PIEZO2: variants seen among roughly 807,000 people sequenced by gnomAD.
The protein encoded by PIEZO2 is piezo-type mechanosensitive ion channel component 2.
Under a neutral mutation model 337.3 loss-of-function variants are expected in PIEZO2, and 172 were observed. That is an observed-to-expected ratio of 0.51 (90% CI 0.45 to 0.58). The LOEUF is 0.58. Ranked by LOEUF, PIEZO2 falls within the 20% of genes least tolerant of loss-of-function variation. The probability of loss-of-function intolerance (pLI) is 0.00; values close to 1 mark genes in which losing one functional copy is unlikely to be tolerated. For synonymous variants in PIEZO2, 1,251 were observed against 1,228.5 expected, an observed-to-expected ratio of 1.02 and a Z score of -0.38; for missense variants, 3,028 against 3,391.3, an observed-to-expected ratio of 0.89 and a Z score of 2.66.
chr18:10,684,843 TTTC>T (rs1277974779), intron 49 of PIEZO2, among the ~76,000 whole-genome samples: 10 of 152,172 alleles, frequency 6.6e-5, no homozygotes, highest in Non-Finnish European at 7.4e-5. Context: ...CATTCAACTC[TTTC>T]TTTTTTATTT....
chr18:10,902,685 C>G (rs1377047252), intron 4 of PIEZO2, among the ~76,000 whole-genome samples: 3 of 152,094 alleles, frequency 2.0e-5, no homozygotes, highest in Non-Finnish European at 2.9e-5. Flanking sequence ...AAAGATAAAA[C>G]TGGAATCCAG....
intron 5 of PIEZO2, among the ~76,000 whole-genome samples, chr18:10,858,343 A>AAAAAAAAAG (rs2041782107): frequency 6.7e-6 from 1 of 149,444 alleles, no homozygotes; most frequent in Admixed American, 6.6e-5. Context: ...AAAAAAAAAA[A>AAAAAAAAAG]AAAAGAAAAG....
rs1037645996 is a variant in PIEZO2 at position 10,854,820 on chromosome 18, G to A, written c.917+533C>T. ...TCTTGACCTCCCAGGCTCAGGTGAC[G>A]CTCCCACTTCAGCCTCCTGAGTAGC... On this transcript the variant is annotated intron_variant, in intron 7 of 55. Coordinates refer to ENST00000674853, the MANE Select transcript of PIEZO2 (RefSeq NM_001378183.1). This position sits in a 1 kb window ranked among gnomAD's most constrained non-coding sequence, Gnocchi z 4.6. 2.0e-5 allele frequency among the ~76,000 whole-genome samples: 3 copies of A among 152,114 alleles called. No homozygotes were observed. The highest frequency in any genetic ancestry group is 4.4e-5 in the Non-Finnish European group (3 of 68,022).
In PIEZO2 at chr18:11,126,905, T is replaced by C. The variant is rs980861225; in HGVS notation, c.64+21620A>G. Among the ~76,000 whole-genome samples the C allele has an allele frequency of 3.3e-5, 5 of 152,142 alleles. No individual in the cohort carries two copies. Among genetic ancestry groups the C allele is most frequent in the Non-Finnish European group, 7.3e-5 (5 of 68,030 alleles). ...GGAGGAATGAATGAACACACTGGTG[T>C]CATTTCCATTGCTGTTGTGTGAACA... is the stretch of plus-strand genomic sequence containing the variant. On this transcript the variant is annotated intron_variant, in intron 1 of 55. Transcript: ENST00000674853. This position sits in a 1 kb window ranked among gnomAD's most constrained non-coding sequence, Gnocchi z 4.6.
intron 1 of PIEZO2, among the ~76,000 whole-genome samples, chr18:11,133,123 C>CT (rs2040385290): frequency 2.0e-5 from 3 of 152,270 alleles, no homozygotes; most frequent in Admixed American, 6.5e-5. Context: ...TTATTTCCTC[C>CT]TTTTTTTGCT....
At chr18:10,832,995 C>T (rs1300315679) in intron 7 of PIEZO2, among the ~76,000 whole-genome samples, 2 of 152,216 alleles carry the variant, frequency 1.3e-5, no homozygotes, top group Non-Finnish European at 2.9e-5. Flanking sequence ...CACAGCTGCT[C>T]CCATGAGCCC....
chr18:11,138,515 G>A (rs1439393889), intron 1 of PIEZO2, among the ~76,000 whole-genome samples: 3 of 151,984 alleles, frequency 2.0e-5, no homozygotes, highest in Non-Finnish European at 2.9e-5. Flanking sequence ...GGATGGTCTC[G>A]AATTCCTAAG....
intron 12 of PIEZO2, among the ~76,000 whole-genome samples, chr18:10,797,074 T>C (rs1415968249): frequency 7.0e-6 from 1 of 142,472 alleles, no homozygotes; most frequent in Admixed American, 7.1e-5. Flanking sequence ...ATATCATACA[T>C]ACCATCATAT....
Position 10,824,720 on chromosome 18 carries a change from G to T in PIEZO2, c.918-17446C>A, listed in dbSNP as rs2040617952. 6.6e-6 allele frequency among the ~76,000 whole-genome samples: 1 copy of T among 151,988 alleles called. No individual in the cohort carries two copies. Among genetic ancestry groups the T allele is most frequent in the Admixed American group, 6.6e-5 (1 of 15,264 alleles). On this transcript the variant is annotated intron_variant, in intron 7 of 55. Coordinates refer to ENST00000674853, the MANE Select transcript of PIEZO2 (RefSeq NM_001378183.1). This position sits in a 1 kb window ranked among gnomAD's most constrained non-coding sequence, Gnocchi z 4.4. ...AGACAAGTTGAAAACATACTACAGA[G>T]AATTCTCTATACCCATTTTCCTCGA...
Position 11,070,601 on chromosome 18 carries a change from AG to A in PIEZO2, c.65-4380del, listed in dbSNP as rs1397569447. ...TCACAAAGGGAAAGGTTTTCACAAAAGAAGTCCACTGCAAAAGGGAGACTAG... is the reference window on the plus strand; with the variant it reads ...TCACAAAGGGAAAGGTTTTCACAAAAAAGTCCACTGCAAAAGGGAGACTAG... On this transcript the variant is annotated intron_variant, in intron 1 of 55. Coordinates refer to ENST00000674853, the MANE Select transcript of PIEZO2 (RefSeq NM_001378183.1). The surrounding 1 kb of genome is among the most constrained non-coding windows in gnomAD (Gnocchi z 4.3). Among the ~76,000 whole-genome samples, 2 of 152,232 alleles carry A rather than the reference AG, an allele frequency of 1.3e-5. No individual in the cohort carries two copies. The highest frequency in any genetic ancestry group is 2.9e-5 in the Non-Finnish European group (2 of 68,038).
At chr18:10,836,007 A>T (rs2040999867) in intron 7 of PIEZO2, among the ~76,000 whole-genome samples, 1 of 152,194 alleles carries the variant, frequency 6.6e-6, no homozygotes, top group Non-Finnish European at 1.5e-5. Flanking sequence ...ACTAATGTAA[A>T]CAGGTCCAAA....
Position 11,116,726 on chromosome 18 carries a change from A to C in PIEZO2, c.64+31799T>G, listed in dbSNP as rs2039901995. On this transcript the variant is annotated intron_variant, in intron 1 of 55. Coordinates refer to ENST00000674853, the MANE Select transcript of PIEZO2 (RefSeq NM_001378183.1). The surrounding 1 kb of genome is among the most constrained non-coding windows in gnomAD (Gnocchi z 5.0). ...CGAGACTCCGTCTCAAAAAAAACAA[A>C]GAAAAAAAAAAATCATTCCATTTAT... Among the ~76,000 whole-genome samples the C allele has an allele frequency of 6.6e-6, 1 of 150,406 alleles. No homozygotes were observed. The highest frequency in any genetic ancestry group is 2.5e-5 in the African/African-American group (1 of 40,082).
chr18:11,076,004 C>G (rs539008910), intron 1 of PIEZO2, among the ~76,000 whole-genome samples: 30 of 152,102 alleles, frequency 2.0e-4, no homozygotes, highest in African/African-American at 7.2e-4. Context: ...TCCAGGATGG[C>G]CTGGATCTCC....
At position 10,748,195 on chromosome 18, in the gene PIEZO2, A is replaced by G. The variant is rs1262925204; in HGVS notation, c.4424+276T>C. ...TGAGACCAGACTGAGCCACTTCTAG[A>G]GAAGTGGTGGATTCTGCAAGGGCTT... On this transcript the variant is annotated intron_variant, in intron 30 of 55. Coordinates refer to ENST00000674853, the MANE Select transcript of PIEZO2 (RefSeq NM_001378183.1). The surrounding 1 kb of genome is among the most constrained non-coding windows in gnomAD (Gnocchi z 5.1). Among the ~76,000 whole-genome samples, 1 of 152,178 alleles carries G rather than the reference A, an allele frequency of 6.6e-6. No homozygotes were observed. The highest frequency in any genetic ancestry group is 1.5e-5 in the Non-Finnish European group (1 of 68,038).
At chr18:10,774,078 T>C in intron 18 of PIEZO2, 40 bp from the exon 19 acceptor site, 1 of 702,426 alleles carries the variant, frequency 1.4e-6, no homozygotes, top group African/African-American at 1.7e-5. Context: ...AAAAAGGAGA[T>C]GAGAACAGAA....
chr18:10,899,175 T>C lies in PIEZO2; in HGVS notation c.329+12011A>G, dbSNP rs189997134. 7.0e-4 allele frequency among the ~76,000 whole-genome samples: 106 copies of C among 152,298 alleles called. No homozygotes were observed. Among genetic ancestry groups the C allele is most frequent in the Middle Eastern group, 3.4e-3 (1 of 294 alleles). ...AGCTGTCAAGAAGTTACTCAACCTCTTGGAATCTCCACTGACCTGGGAATG... is the reference window on the plus strand; with the variant it reads ...AGCTGTCAAGAAGTTACTCAACCTCCTGGAATCTCCACTGACCTGGGAATG... On this transcript the variant is annotated intron_variant, in intron 4 of 55. Transcript: ENST00000674853. The surrounding 1 kb of genome is among the most constrained non-coding windows in gnomAD (Gnocchi z 4.6).
intron 11 of PIEZO2, among the ~76,000 whole-genome samples, chr18:10,798,021 GC>G (rs1251990742): frequency 7.9e-5 from 12 of 152,230 alleles, no homozygotes; most frequent in Admixed American, 7.8e-4. Flanking sequence ...CCTATGGGGA[GC>G]CCCAGGTGTG....
rs1356017619 is a variant in PIEZO2 at position 11,078,036 on chromosome 18, CCACACACACCCA to C, written c.65-11826_65-11815del. Among the ~76,000 whole-genome samples the C allele has an allele frequency of 2.5e-4, 29 of 116,058 alleles. No homozygotes were observed. Among genetic ancestry groups the C allele is most frequent in the East Asian group, 5.2e-4 (2 of 3,848 alleles). 76.1% of individuals were successfully genotyped at this position (116,058 alleles called of 152,430 possible). On this transcript the variant is annotated intron_variant, in intron 1 of 55. Coordinates refer to ENST00000674853, the MANE Select transcript of PIEZO2 (RefSeq NM_001378183.1). This position sits in a 1 kb window ranked among gnomAD's most constrained non-coding sequence, Gnocchi z 5.3. ...AAAACACATGTGCGTGCACACACAC[CCACACACACCCA>C]CACACACACACACACACACCACACA...
chr18:10,873,132 T>C (rs115013049), intron 4 of PIEZO2, among the ~76,000 whole-genome samples: 2,097 of 152,250 alleles, frequency 0.014, 53 homozygotes, highest in African/African-American at 0.048. Context: ...TTGGTGAAAA[T>C]ATTTAAAAAT....
Sources: allele counts gnomAD v4.1 joint callset (sites outside exome capture counted in the v4.1 genomes callset), GRCh38; gene constraint gnomAD v4.1.1; non-coding constraint Gnocchi (gnomAD v3.1); transcripts MANE v1.5; gene names NCBI Gene and HGNC (gene_info 2026-07-23, HGNC 2026-07-21).